Variants in JAZF1 observed in about 807,000 individuals in gnomAD.
JAZF1 encodes the protein juxtaposed with another zinc finger protein 1.
In JAZF1, 8 loss-of-function variants were observed where a neutral mutation model predicts 26.4. That is an observed-to-expected ratio of 0.30 (90% CI 0.18 to 0.55). JAZF1 has a LOEUF of 0.55. JAZF1 is among the 20% of genes least tolerant of loss of function. JAZF1 has a pLI of 0.94. For missense variants in JAZF1, 199 were observed against 322.0 expected (o/e 0.62, Z 2.92); for synonymous variants, 126 against 122.3 (o/e 1.03, Z -0.20).
At chr7:27,996,772 C>T (rs1168447808) in intron 1 of JAZF1, among the ~76,000 whole-genome samples, 9 of 152,354 alleles carry the variant, frequency 5.9e-5, no homozygotes, top group East Asian at 1.9e-4. Flanking sequence ...CTCTTCTTTG[C>T]ACACTTTTCA....
chr7:27,990,275 A>G (rs38516), intron 2 of JAZF1, among the ~76,000 whole-genome samples: 125,507 of 151,954 alleles, frequency 0.83, 52,458 homozygotes, highest in African/African-American at 0.95. Context: ...CACACACCAG[A>G]GCCTGTCGCG....
intron 3 of JAZF1, among the ~76,000 whole-genome samples, chr7:27,856,479 C>A (rs1478672940): frequency 6.6e-6 from 1 of 152,210 alleles, no homozygotes; most frequent in Non-Finnish European, 1.5e-5. Flanking sequence ...CTGATTCAGG[C>A]AGCCTGCTTT....
intron 2 of JAZF1, among the ~76,000 whole-genome samples, chr7:27,950,228 A>C (rs1418114432): frequency 6.6e-6 from 1 of 152,256 alleles, no homozygotes; most frequent in Non-Finnish European, 1.5e-5. Context: ...CAGATACCAG[A>C]GCATTAAGAC....
chr7:27,997,772 CTATGTTGCCTAGGCTGGTCTTGAA>C lies in JAZF1; in HGVS notation c.116-5815_116-5792del, dbSNP rs1312955641. ...TTTTTTTTTTAGAGTTGGGGTCTTG[CTATGTTGCCTAGGCTGGTCTTGAA>C]CTCCTGGCCTCAAGCAATCCTCTTG... On this transcript the variant is annotated intron_variant, in intron 1 of 4. Transcript: ENST00000283928. 2.0e-5 allele frequency among the ~76,000 whole-genome samples: 3 copies of C among 151,376 alleles called. No individual in the cohort carries two copies. The East Asian group carries it at 5.8e-4, about 29-fold the overall frequency.
At chr7:28,001,402 C>A (rs531179085) in intron 1 of JAZF1, among the ~76,000 whole-genome samples, 14 of 151,690 alleles carry the variant, frequency 9.2e-5, no homozygotes, top group Admixed American at 3.3e-4. Flanking sequence ...ACAAAAAAAA[C>A]CAATAATCTA....
chr7:28,138,080 T>C (rs938789134), intron 1 of JAZF1, among the ~76,000 whole-genome samples: 3 of 152,054 alleles, frequency 2.0e-5, no homozygotes, highest in Admixed American at 2.0e-4. Flanking sequence ...CAAGAAAAAC[T>C]AAAGAAAAGA....
intron 1 of JAZF1, among the ~76,000 whole-genome samples, chr7:28,075,297 A>C (rs1243503145): frequency 6.6e-6 from 1 of 152,162 alleles, no homozygotes; most frequent in Non-Finnish European, 1.5e-5. Flanking sequence ...AGCATCCCTT[A>C]ATACCAGAAG....
At chr7:27,876,849 A>G (rs2128338872) in intron 3 of JAZF1, among the ~76,000 whole-genome samples, 1 of 152,270 alleles carries the variant, frequency 6.6e-6, no homozygotes, top group Non-Finnish European at 1.5e-5. Context: ...AGGTCTGTGC[A>G]CTGGTGGGTT....
chr7:27,839,893 T>C (rs1388550270), intron 4 of JAZF1, among the ~76,000 whole-genome samples: 1 of 152,204 alleles, frequency 6.6e-6, no homozygotes, highest in Admixed American at 6.5e-5. Flanking sequence ...TCATCAAGCA[T>C]ACCAGGTATG....
chr7:27,887,655 A>T (rs1583448518), intron 3 of JAZF1, among the ~76,000 whole-genome samples: 1 of 152,224 alleles, frequency 6.6e-6, no homozygotes, highest in South Asian at 2.1e-4. Context: ...ACCTCAGGGG[A>T]TCTGTCCGTC....
chr7:27,872,155 T>G (rs1783594146), intron 3 of JAZF1, among the ~76,000 whole-genome samples: 1 of 152,220 alleles, frequency 6.6e-6, no homozygotes, highest in South Asian at 2.1e-4. Context: ...AACAGCCGTC[T>G]GTTCCACAGA....
At chr7:27,857,705 A>G (rs958352311) in intron 3 of JAZF1, among the ~76,000 whole-genome samples, 15 of 152,268 alleles carry the variant, frequency 9.9e-5, no homozygotes, top group African/African-American at 3.4e-4. Flanking sequence ...ATTCATGCTA[A>G]AAACTCTCAA....
chr7:27,983,264 G>A (rs543523359), intron 2 of JAZF1, among the ~76,000 whole-genome samples: 21 of 152,296 alleles, frequency 1.4e-4, no homozygotes, highest in East Asian at 1.2e-3. Flanking sequence ...ATGACCTGAT[G>A]GAGCTGAAAA....
At chr7:27,866,640 C>T (rs1315754897) in intron 3 of JAZF1, among the ~76,000 whole-genome samples, 8 of 152,150 alleles carry the variant, frequency 5.3e-5, no homozygotes, top group South Asian at 2.1e-4. Context: ...ATTTGAACAA[C>T]GACCAAGGAA....
chr7:28,153,146 TG>T (rs1046850671), intron 1 of JAZF1, among the ~76,000 whole-genome samples: 1 of 152,164 alleles, frequency 6.6e-6, no homozygotes, highest in African/African-American at 2.4e-5. Context: ...ATGAGCAGTG[TG>T]GGGCCACTAG....
chr7:28,176,879 T>C (rs1783558331), intron 1 of JAZF1, among the ~76,000 whole-genome samples: 1 of 152,116 alleles, frequency 6.6e-6, no homozygotes, highest in Admixed American at 6.6e-5. Flanking sequence ...CCTTCAGTGC[T>C]AAATTTAGTG....
intron 1 of JAZF1, among the ~76,000 whole-genome samples, chr7:28,075,379 G>A (rs1426415427): frequency 6.6e-6 from 1 of 152,148 alleles, no homozygotes; most frequent in African/African-American, 2.4e-5. Context: ...CTGATAGTGA[G>A]CTAAACTATC....
intron 1 of JAZF1, among the ~76,000 whole-genome samples, chr7:28,005,718 G>A (rs1160836565): frequency 6.6e-6 from 1 of 151,700 alleles, no homozygotes; most frequent in African/African-American, 2.4e-5. Flanking sequence ...ATGAGTAGGG[G>A]AGCATGCTGA....
At chr7:27,834,086 T>C (rs561962393) in intron 4 of JAZF1, among the ~76,000 whole-genome samples, 179 of 152,332 alleles carry the variant, frequency 1.2e-3, no homozygotes, top group African/African-American at 4.0e-3. Context: ...GCCAGTCCCT[T>C]GCCCAACTGA....
Sources: gnomAD v4.1 joint callset for allele counts (sites outside exome capture counted in the v4.1 genomes callset) on GRCh38, gnomAD v4.1.1 for gene constraint, MANE v1.5 for transcripts, NCBI Gene and HGNC (gene_info 2026-07-23, HGNC 2026-07-21) for gene names.